Variants in NRG1 observed in about 807,000 individuals in gnomAD.
NRG1 encodes pro-neuregulin-1, membrane-bound isoform.
NRG1 carries 18 observed loss-of-function variants against 63.8 expected under a neutral mutation model. The ratio of observed to expected loss-of-function variants is 0.28; its 90% CI spans 0.19 to 0.42. The LOEUF is 0.42. Ranked by LOEUF, NRG1 falls within the 10% of genes least tolerant of loss-of-function variation. NRG1 has a pLI of 1.00. For synonymous variants in NRG1, 302 were observed against 301.3 expected (o/e 1.00, Z -0.02); for missense variants, 762 against 814.7 (o/e 0.94, Z 0.79).
At chr8:31,950,533 T>C (rs1009896303) in intron 1 of NRG1, among the ~76,000 whole-genome samples, 2 of 152,190 alleles carry the variant, frequency 1.3e-5, no homozygotes, top group African/African-American at 4.8e-5. Flanking sequence ...GCTGGAACAG[T>C]TCAATAAGAG....
chr8:31,851,549 GT>G (rs1254506646), intron 1 of NRG1, among the ~76,000 whole-genome samples: 1 of 152,048 alleles, frequency 6.6e-6, no homozygotes, highest in East Asian at 1.9e-4. Flanking sequence ...AGTAATTGCA[GT>G]TTTTGCATTG....
At chr8:32,134,181 T>G (rs571082208) in intron 1 of NRG1, among the ~76,000 whole-genome samples, 2 of 152,122 alleles carry the variant, frequency 1.3e-5, no homozygotes, top group Non-Finnish European at 2.9e-5. Flanking sequence ...TAGAAGACAC[T>G]AAAATTTTTT....
chr8:31,788,019 A>C (rs1196692032), intron 1 of NRG1, among the ~76,000 whole-genome samples: 1 of 152,160 alleles, frequency 6.6e-6, no homozygotes, highest in Non-Finnish European at 1.5e-5. Context: ...GAGGGTTGAG[A>C]CACAGAGATT....
intron 1 of NRG1, among the ~76,000 whole-genome samples, chr8:31,952,997 C>G (rs955346707): frequency 2.0e-5 from 3 of 152,150 alleles, no homozygotes; most frequent in Admixed American, 1.3e-4. Context: ...GCATTTCATT[C>G]TCATGGACCT....
At chr8:32,670,545 T>C (rs1805371035) in intron 5 of NRG1, among the ~76,000 whole-genome samples, 1 of 152,106 alleles carries the variant, frequency 6.6e-6, no homozygotes, top group Non-Finnish European at 1.5e-5. Context: ...CCATCAAAGC[T>C]TGGGATCTCT....
chr8:32,346,986 C>T (rs186430513), intron 1 of NRG1, among the ~76,000 whole-genome samples: 43 of 152,040 alleles, frequency 2.8e-4, no homozygotes, highest in Non-Finnish European at 4.4e-4. Flanking sequence ...CCTGCCACCA[C>T]GCCTGGCTAC....
chr8:32,034,959 G>C (rs1202677804), intron 1 of NRG1, among the ~76,000 whole-genome samples: 1 of 151,110 alleles, frequency 6.6e-6, no homozygotes, highest in Non-Finnish European at 1.5e-5. Flanking sequence ...GTTCTGCTCT[G>C]AGCTTGGTTA....
intron 5 of NRG1, among the ~76,000 whole-genome samples, chr8:32,668,896 A>G (rs761462764): frequency 3.9e-5 from 6 of 152,150 alleles, no homozygotes; most frequent in Admixed American, 1.3e-4. Context: ...CTTTTACTCT[A>G]TCATTTAGTA....
chr8:31,857,301 A>G (rs1193267625), intron 1 of NRG1, among the ~76,000 whole-genome samples: 1 of 152,178 alleles, frequency 6.6e-6, no homozygotes, highest in South Asian at 2.1e-4. Context: ...CAGGTGCGGG[A>G]TATAATCTCC....
chr8:32,146,982 G>T (rs984269536), intron 1 of NRG1, among the ~76,000 whole-genome samples: 1 of 152,090 alleles, frequency 6.6e-6, no homozygotes, highest in Non-Finnish European at 1.5e-5. Flanking sequence ...TTTAATAAGA[G>T]AATTAAATAT....
intron 1 of NRG1, among the ~76,000 whole-genome samples, chr8:32,542,544 G>A (rs758960568): frequency 3.3e-5 from 5 of 152,240 alleles, no homozygotes; most frequent in Admixed American, 1.3e-4. Context: ...AAGCCTGAAT[G>A]TTAAGTGGAA....
chr8:32,295,872 G>C (rs1204812541), intron 1 of NRG1, among the ~76,000 whole-genome samples: 2 of 150,924 alleles, frequency 1.3e-5, no homozygotes, highest in African/African-American at 4.9e-5. Context: ...GGGAGGCGGA[G>C]GTTGCAGTGA....
chr8:32,633,860 C>G (rs753614501), intron 5 of NRG1, among the ~76,000 whole-genome samples: 3 of 151,968 alleles, frequency 2.0e-5, no homozygotes, highest in African/African-American at 7.3e-5. Flanking sequence ...GAGCAGTAGT[C>G]TGTAGATGAG....
chr8:32,233,837 T>C (rs1329608820), intron 1 of NRG1, among the ~76,000 whole-genome samples: 1 of 152,042 alleles, frequency 6.6e-6, no homozygotes, highest in African/African-American at 2.4e-5. Context: ...AGTGCTGGGA[T>C]TACAGGTGTG....
intron 1 of NRG1, among the ~76,000 whole-genome samples, chr8:32,252,459 C>A (rs1849227161): frequency 6.6e-6 from 1 of 152,108 alleles, no homozygotes; most frequent in Non-Finnish European, 1.5e-5. Context: ...GGAATCTTTT[C>A]CCCATTGTTT....
At chr8:32,751,649 A>G (rs965693501) in intron 7 of NRG1, among the ~76,000 whole-genome samples, 4 of 152,224 alleles carry the variant, frequency 2.6e-5, no homozygotes, top group Admixed American at 6.5e-5. Flanking sequence ...TGATGTGAAT[A>G]TAAGATTTTA....
chr8:32,386,983 G>C (rs561621429), intron 1 of NRG1, among the ~76,000 whole-genome samples: 1 of 152,254 alleles, frequency 6.6e-6, no homozygotes, highest in South Asian at 2.1e-4. Flanking sequence ...AAAATTGCTA[G>C]TTCAAAATGT....
At chr8:32,450,719 A>G (rs1171911951) in intron 1 of NRG1, among the ~76,000 whole-genome samples, 1 of 152,180 alleles carries the variant, frequency 6.6e-6, no homozygotes, top group African/African-American at 2.4e-5. Context: ...CCTGGTCTAG[A>G]AATTATTTAA....
At chr8:32,288,037 A>G (rs892874474) in intron 1 of NRG1, among the ~76,000 whole-genome samples, 3 of 152,204 alleles carry the variant, frequency 2.0e-5, no homozygotes, top group African/African-American at 7.2e-5. Context: ...GTGCTAATGT[A>G]CTAGTGATTA....
Sources: gnomAD v4.1 joint callset for allele counts (sites outside exome capture counted in the v4.1 genomes callset) on GRCh38, gnomAD v4.1.1 for gene constraint, MANE v1.5 for transcripts, NCBI Gene and HGNC (gene_info 2026-07-23, HGNC 2026-07-21) for gene names.